RBFOX1: variants seen among roughly 807,000 people sequenced by gnomAD.
RBFOX1 encodes RNA binding protein fox-1 homolog 1.
A neutral mutation model predicts 57.7 loss-of-function variants in RBFOX1; 8 were observed. The observed-to-expected ratio is 0.14, with a 90% CI of 0.08 to 0.25. The LOEUF is 0.25. Among genes scored for constraint, RBFOX1 ranks in the 10% least tolerant of loss-of-function variants. The pLI is 1.00. For synonymous variants in RBFOX1, 326 were observed against 222.4 expected (o/e 1.47, Z -4.15); for missense variants, 611 against 548.5 (o/e 1.11, Z -1.14).
intron 4 of RBFOX1, among the ~76,000 whole-genome samples, chr16:7,297,913 T>A (rs2095934097): frequency 6.6e-6 from 1 of 152,154 alleles, no homozygotes; most frequent in Admixed American, 6.5e-5. Flanking sequence ...GCACTTCACA[T>A]GACTGCATGT....
chr16:6,735,635 A>T (rs1377256954), intron 3 of RBFOX1, among the ~76,000 whole-genome samples: 1 of 152,162 alleles, frequency 6.6e-6, no homozygotes, highest in African/African-American at 2.4e-5. Context: ...GTAACATTGG[A>T]TCGATCACAA....
chr16:7,332,795 C>T (rs994301957), intron 4 of RBFOX1: 7 of 1,397,214 alleles, frequency 5.0e-6, no homozygotes, highest in Admixed American at 5.8e-5. Flanking sequence ...TGTGTCTCTT[C>T]GTCGTCTGGG....
At chr16:7,191,038 A>G (rs893130322) in intron 4 of RBFOX1, among the ~76,000 whole-genome samples, 1 of 152,152 alleles carries the variant, frequency 6.6e-6, no homozygotes, top group Non-Finnish European at 1.5e-5. Context: ...CTAGATGATC[A>G]ATCCTATTCG....
chr16:5,393,222 C>G (rs929195507), intron 1 of RBFOX1, among the ~76,000 whole-genome samples: 1 of 152,174 alleles, frequency 6.6e-6, no homozygotes, highest in Non-Finnish European at 1.5e-5. Flanking sequence ...TTCTGAGTCA[C>G]TGTACCCCAG....
intron 2 of RBFOX1, among the ~76,000 whole-genome samples, chr16:6,323,752 T>A (rs1211747255): frequency 2.0e-5 from 3 of 152,098 alleles, no homozygotes; most frequent in African/African-American, 7.2e-5. Context: ...ACATCATGGG[T>A]ATGTTGCATA....
rs149084658 is a variant in RBFOX1 at position 6,967,841 on chromosome 16, A to T, written c.-15-84216A>T. Among the ~76,000 whole-genome samples, 986 of 152,246 alleles carry T rather than the reference A, an allele frequency of 6.5e-3. 15 individuals carry two copies. Among genetic ancestry groups the T allele is most frequent in the African/African-American group, 0.023 (936 of 41,540 alleles). On this transcript the variant is annotated intron_variant, in intron 3 of 15. Coordinates refer to ENST00000550418, the MANE Select transcript of RBFOX1 (RefSeq NM_018723.4). The stretch of plus-strand genomic sequence containing the variant: ...TGTAAGGGGACAGGGTTTAGAAGCA[A>T]CCAGACATACTTCCTGAAGAATTGG...
At chr16:7,261,639 C>G (rs1216009784) in intron 4 of RBFOX1, among the ~76,000 whole-genome samples, 1 of 152,196 alleles carries the variant, frequency 6.6e-6, no homozygotes, top group Non-Finnish European at 1.5e-5. Context: ...GCTCTGTAGG[C>G]TCTCTCCACT....
chr16:6,254,169 T>C (rs1334632041), intron 1 of RBFOX1, among the ~76,000 whole-genome samples: 1 of 152,182 alleles, frequency 6.6e-6, no homozygotes, highest in Non-Finnish European at 1.5e-5. Context: ...ATAGCATTTA[T>C]CGAATATCTA....
At chr16:6,039,893 G>A (rs2095417843) in intron 1 of RBFOX1, among the ~76,000 whole-genome samples, 1 of 152,228 alleles carries the variant, frequency 6.6e-6, no homozygotes, top group African/African-American at 2.4e-5. Context: ...GCTCACCTGT[G>A]TGTGTTGAGA....
chr16:7,521,004 G>C (rs1327385449), intron 5 of RBFOX1, among the ~76,000 whole-genome samples: 1 of 152,208 alleles, frequency 6.6e-6, no homozygotes, highest in East Asian at 1.9e-4. Flanking sequence ...GGCAGAAACT[G>C]AGCATGTGGC....
At position 7,668,633 on chromosome 16, in the gene RBFOX1, G is replaced by C. The variant is rs552026561; in HGVS notation, c.930+3665G>C. On this transcript the variant is annotated intron_variant, in intron 13 of 15. Transcript: ENST00000550418. ...TGGAGGGTAGGAATGATCTTTATCTGAGTCCCTTCTACCTGAGAACAGAAC... is the reference window on the plus strand; with the variant it reads ...TGGAGGGTAGGAATGATCTTTATCTCAGTCCCTTCTACCTGAGAACAGAAC... 2.6e-5 allele frequency among the ~76,000 whole-genome samples: 4 copies of C among 151,308 alleles called. No homozygotes were observed. In the South Asian group the frequency reaches 8.4e-4, roughly 32 times the overall value.
At chr16:5,505,437 A>T (rs1271600945) in intron 2 of RBFOX1, among the ~76,000 whole-genome samples, 1 of 152,090 alleles carries the variant, frequency 6.6e-6, no homozygotes, top group Non-Finnish European at 1.5e-5. Context: ...GTGGTAGAGA[A>T]TTGGGGGTGG....
At chr16:7,048,658 A>G (rs946834129) in intron 3 of RBFOX1, among the ~76,000 whole-genome samples, 2 of 151,806 alleles carry the variant, frequency 1.3e-5, no homozygotes, top group Non-Finnish European at 2.9e-5. Flanking sequence ...GAGTCGTTTT[A>G]TAACAGCTGC....
chr16:6,508,880 A>T (rs2096183589), intron 2 of RBFOX1, among the ~76,000 whole-genome samples: 1 of 152,172 alleles, frequency 6.6e-6, no homozygotes, highest in Admixed American at 6.5e-5. Context: ...AAAAAAAAAA[A>T]AATAAAGATT....
At chr16:5,714,435 A>G (rs2051612171) in intron 3 of RBFOX1, among the ~76,000 whole-genome samples, 1 of 152,236 alleles carries the variant, frequency 6.6e-6, no homozygotes, top group Non-Finnish European at 1.5e-5. Flanking sequence ...AGACGTGCCC[A>G]GCTGAAGCTC....
intron 5 of RBFOX1, among the ~76,000 whole-genome samples, chr16:7,545,371 C>T (rs535099907): frequency 6.6e-6 from 1 of 152,162 alleles, no homozygotes; most frequent in East Asian, 1.9e-4. Flanking sequence ...TGCTCACAGC[C>T]AGGCCTCTGC....
intron 2 of RBFOX1, among the ~76,000 whole-genome samples, chr16:5,490,645 C>T (rs1258557887): frequency 6.6e-6 from 1 of 152,170 alleles, no homozygotes; most frequent in Non-Finnish European, 1.5e-5. Context: ...GCACTCCTAT[C>T]TGTGAGCTCC....
chr16:5,964,541 A>G (rs867315776), intron 4 of RBFOX1, among the ~76,000 whole-genome samples: 23 of 152,184 alleles, frequency 1.5e-4, no homozygotes, highest in Admixed American at 4.6e-4. Context: ...ACTTGTATAC[A>G]TAGATATATA....
At chr16:6,589,543 A>G (rs2097681059) in intron 2 of RBFOX1, among the ~76,000 whole-genome samples, 1 of 152,176 alleles carries the variant, frequency 6.6e-6, no homozygotes, top group South Asian at 2.1e-4. Flanking sequence ...GAGTCTGCAA[A>G]ATATCTCGAC....
Sources: allele counts gnomAD v4.1 joint callset (sites outside exome capture counted in the v4.1 genomes callset), GRCh38; gene constraint gnomAD v4.1.1; transcripts MANE v1.5; gene names NCBI Gene and HGNC (gene_info 2026-07-23, HGNC 2026-07-21).